The following BOLA3 variants were observed in gnomAD, a reference collection of about 807,000 sequenced individuals.
BOLA3 encodes bolA-like protein 3.
A neutral mutation model predicts 14.5 loss-of-function variants in BOLA3; 8 were observed. The observed-to-expected ratio is 0.55, with a 90% CI of 0.32 to 0.99. BOLA3 has a LOEUF of 0.99. Among genes scored for constraint, BOLA3 ranks in the 50% least tolerant of loss-of-function variants. The pLI, the probability that BOLA3 is intolerant of heterozygous loss-of-function variation, is 0.04. For missense variants in BOLA3, 115 were observed against 138.2 expected (o/e 0.83, Z 0.84); for synonymous variants, 42 against 45.7 (o/e 0.92, Z 0.33).
chr2:74,135,864 C>T (rs1011477605), intron 3 of BOLA3, among the ~76,000 whole-genome samples: 1 of 151,780 alleles, frequency 6.6e-6, no homozygotes, highest in Non-Finnish European at 1.5e-5. Flanking sequence ...AAAAGGCATT[C>T]AGGGAAGTCT....
chr2:74,145,519 G>A, intron 1 of BOLA3: 1 of 581,948 alleles, frequency 1.7e-6, no homozygotes, highest in Non-Finnish European at 3.1e-6. Context: ...GGGACAGGAT[G>A]ATTGTTAATA....
chr2:74,144,019 T>C (rs1692494829), intron 2 of BOLA3, among the ~76,000 whole-genome samples: 1 of 148,448 alleles, frequency 6.7e-6, no homozygotes, highest in Admixed American at 6.7e-5. Flanking sequence ...TTTTTTTTTT[T>C]TTTTGAGACA....
chr2:74,147,673 G>GA (rs1692571650), intron 1 of BOLA3, 148 bp downstream of exon 1: 1 of 742,848 alleles, frequency 1.3e-6, no homozygotes, highest in Admixed American at 2.3e-5. Context: ...ATGAAAGAAT[G>GA]AATGAGAGAA....
At chr2:74,147,524 T>A in intron 1 of BOLA3, 1 of 464,040 alleles carries the variant, frequency 2.2e-6, no homozygotes, top group East Asian at 4.2e-5. Flanking sequence ...CCAATCCTTT[T>A]TTTTTCCTGT....
intron 2 of BOLA3, among the ~76,000 whole-genome samples, chr2:74,143,888 G>C (rs1219883433): frequency 2.6e-5 from 4 of 151,262 alleles, no homozygotes. Context: ...GGTTGAGATG[G>C]GGTTTCACCA....
chr2:74,139,713 G>A (rs532639728), intron 3 of BOLA3, among the ~76,000 whole-genome samples: 44 of 152,186 alleles, frequency 2.9e-4, no homozygotes, highest in Non-Finnish European at 5.3e-4. Flanking sequence ...CCCTAAGAAT[G>A]TACTGTGGCC....
chr2:74,139,414 GAA>G (rs1285905881), intron 3 of BOLA3, among the ~76,000 whole-genome samples: 1 of 150,714 alleles, frequency 6.6e-6, no homozygotes, highest in Non-Finnish European at 1.5e-5. Context: ...CCTCACTCCT[GAA>G]GAGACCAGCT....
chr2:74,144,711 C>T (rs191391108), intron 2 of BOLA3, among the ~76,000 whole-genome samples: 17 of 152,318 alleles, frequency 1.1e-4, no homozygotes, highest in Admixed American at 1.1e-3. Flanking sequence ...GGTTCTGGTT[C>T]CAGTTCCACT....
chr2:74,147,744 C>G, intron 1 of BOLA3, 77 bp downstream of exon 1: 2 of 1,469,298 alleles, frequency 1.4e-6, no homozygotes, highest in Non-Finnish European at 1.8e-6. Context: ...GTCCTCAAGC[C>G]CCGACAGCCG....
intron 3 of BOLA3, among the ~76,000 whole-genome samples, chr2:74,137,723 G>C (rs1335999469): frequency 6.6e-6 from 1 of 152,150 alleles, no homozygotes. Context: ...CCTGATCCGG[G>C]AGCTCCTGTT....
intron 1 of BOLA3, 44 bp from the exon 2 acceptor site, chr2:74,145,347 G>A (rs764825137): frequency 2.5e-6 from 3 of 1,209,144 alleles, no homozygotes; most frequent in Non-Finnish European, 3.7e-6. Flanking sequence ...GGAAGATGCT[G>A]TTGCCCCTGA....
At chr2:74,142,933 C>T (rs78726562) in intron 2 of BOLA3, among the ~76,000 whole-genome samples, 1 of 152,096 alleles carries the variant, frequency 6.6e-6, no homozygotes, top group African/African-American at 2.4e-5. Flanking sequence ...TTCATCCTGG[C>T]TTTTGGGGGG....
At chr2:74,144,194 C>CGG (rs11384041) in intron 2 of BOLA3, among the ~76,000 whole-genome samples, 101 of 141,142 alleles carry the variant, frequency 7.2e-4, no homozygotes, top group African/African-American at 2.0e-3. Flanking sequence ...TTAGTAGAGA[C>CGG]GGGGGGGTTT....
chr2:74,143,937 A>T (rs1413637948), intron 2 of BOLA3, among the ~76,000 whole-genome samples: 1 of 142,438 alleles, frequency 7.0e-6, no homozygotes, highest in Non-Finnish European at 1.5e-5. Context: ...ACCTCAGGTG[A>T]TCCACCTGCC....
chr2:74,145,953 C>T (rs1044993505), intron 1 of BOLA3: 1 of 151,954 alleles, frequency 6.6e-6, no homozygotes, highest in African/African-American at 2.4e-5. Flanking sequence ...AACAACACCC[C>T]TTCCCCAATG....
intron 3 of BOLA3, 49 bp downstream of exon 3, chr2:74,142,223 C>T (rs2103649782): frequency 7.0e-7 from 1 of 1,423,116 alleles, no homozygotes; most frequent in South Asian, 1.1e-5. Context: ...TGGCAGGCCC[C>T]TTTGGAGGCT....
At chr2:74,136,357 C>T (rs1692329290) in intron 3 of BOLA3, among the ~76,000 whole-genome samples, 1 of 152,208 alleles carries the variant, frequency 6.6e-6, no homozygotes, top group Admixed American at 6.5e-5. Flanking sequence ...GTTAAAATTT[C>T]AAACACATTA....
At chr2:74,144,680 A>G (rs535718444) in intron 2 of BOLA3, among the ~76,000 whole-genome samples, 1 of 152,314 alleles carries the variant, frequency 6.6e-6, no homozygotes, top group East Asian at 1.9e-4. Flanking sequence ...TGGGCTTAGG[A>G]CAGAGTCTCC....
At chr2:74,140,263 G>A (rs1364792811) in intron 3 of BOLA3, among the ~76,000 whole-genome samples, 3 of 152,192 alleles carry the variant, frequency 2.0e-5, no homozygotes, top group African/African-American at 7.2e-5. Context: ...CAGCCTGGGT[G>A]ACAGAGTGAT....
Sources: allele counts gnomAD v4.1 joint callset (sites outside exome capture counted in the v4.1 genomes callset), GRCh38; gene constraint gnomAD v4.1.1; transcripts MANE v1.5; gene names NCBI Gene and HGNC (gene_info 2026-07-23, HGNC 2026-07-21).